The following NMRK1 variants were observed in gnomAD, a reference collection of about 807,000 sequenced individuals.
NMRK1 encodes the protein NRK 1.
NMRK1 carries 28 observed loss-of-function variants against 29.9 expected under a neutral mutation model. That is an observed-to-expected ratio of 0.94 (90% CI 0.69 to 1.28). The LOEUF is 1.28. NMRK1 is among the 50% of genes most tolerant of loss of function. The probability of loss-of-function intolerance (pLI) is 0.00; values close to 1 mark genes in which losing one functional copy is unlikely to be tolerated. For synonymous variants in NMRK1, 58 were observed against 73.0 expected, an observed-to-expected ratio of 0.79 and a Z score of 1.05; for missense variants, 218 against 233.1, an observed-to-expected ratio of 0.94 and a Z score of 0.42.
intron 8 of NMRK1, among the ~76,000 whole-genome samples, chr9:75,062,828 T>C (rs1423307798): frequency 1.3e-5 from 2 of 152,146 alleles, no homozygotes; most frequent in Non-Finnish European, 2.9e-5. Flanking sequence ...GGTCAGGAGT[T>C]TGAGACCAGC....
At position 75,080,532 on chromosome 9, in the gene NMRK1, G is replaced by A. The variant is rs535072188; in HGVS notation, c.29+2555C>T. Among the ~76,000 whole-genome samples, 5 of 152,274 alleles carry A rather than the reference G, an allele frequency of 3.3e-5. No homozygotes were observed. The South Asian group carries it at 1.0e-3, about 32-fold the overall frequency. On this transcript the variant is annotated intron_variant, in intron 2 of 8. Transcript: ENST00000361092. ...CTGGGCGTGGTGGTGCATGCCTGTA[G>A]TCCCAGCAACTTGGGAGGCTGAGGC...
intron 4 of NMRK1, among the ~76,000 whole-genome samples, chr9:75,074,714 G>T (rs1823894715): frequency 6.6e-6 from 1 of 152,026 alleles, no homozygotes; most frequent in African/African-American, 2.4e-5. Context: ...TTTTTGTTTT[G>T]ACTTCTTTCA....
In NMRK1 at chr9:75,069,715, A is replaced by G. The variant is rs1423063716; in HGVS notation, c.389+27T>C. 5 of 1,583,144 alleles carry G rather than the reference A, an allele frequency of 3.2e-6. No individual in the cohort carries two copies. The East Asian group carries it at 1.1e-4, about 35-fold the overall frequency. On this transcript the variant is annotated intron_variant, in intron 6 of 8. Transcript: ENST00000361092. ...TCTACATTTTTTGTTTTGAATTACA[A>G]CTCACAAAGATGGCTTCAAAACTTA...
At chr9:75,085,540 G>A (rs970523081) in intron 1 of NMRK1, among the ~76,000 whole-genome samples, 12 of 120,180 alleles carry the variant, frequency 1.0e-4, no homozygotes, top group Non-Finnish European at 2.4e-4. Context: ...ACTGGTCCCC[G>A]TCCTAAACTG....
intron 1 of NMRK1, among the ~76,000 whole-genome samples, chr9:75,086,732 A>G (rs1414209654): frequency 6.6e-6 from 1 of 152,198 alleles, no homozygotes. Context: ...TGTGCTCTTC[A>G]AATGTATCTA....
chr9:75,062,783 G>C (rs1823098327), intron 8 of NMRK1, among the ~76,000 whole-genome samples: 2 of 152,226 alleles, frequency 1.3e-5, no homozygotes. Flanking sequence ...TGTAATCCCA[G>C]CACTATGGGA....
chr9:75,084,820 C>T (rs1587411278), intron 1 of NMRK1, among the ~76,000 whole-genome samples: 1 of 152,104 alleles, frequency 6.6e-6, no homozygotes, highest in Admixed American at 6.5e-5. Context: ...AGACAAGTTG[C>T]ATATTTAAGT....
intron 8 of NMRK1, among the ~76,000 whole-genome samples, chr9:75,065,280 C>T (rs1823272276): frequency 1.3e-5 from 2 of 152,132 alleles, no homozygotes; most frequent in South Asian, 4.2e-4. Context: ...AGAGATTCCC[C>T]TGCCTCAGCC....
At chr9:75,082,695 C>G (rs1293781971) in intron 2 of NMRK1, 3 of 197,198 alleles carry the variant, frequency 1.5e-5, no homozygotes, top group African/African-American at 7.0e-5. Flanking sequence ...TGAAGGTGTT[C>G]TGTATACCAA....
intron 2 of NMRK1, among the ~76,000 whole-genome samples, chr9:75,079,671 A>C (rs769444245): frequency 8.5e-5 from 13 of 152,212 alleles, no homozygotes; most frequent in African/African-American, 1.4e-4. Flanking sequence ...GACTGCAGAC[A>C]TCCTGGTCAG....
intron 7 of NMRK1, among the ~76,000 whole-genome samples, chr9:75,068,096 T>C (rs1239158357): frequency 9.9e-5 from 15 of 152,128 alleles, no homozygotes; most frequent in Admixed American, 9.8e-4. Flanking sequence ...ATGCCTTCAC[T>C]TTTTTCTAAC....
rs1273525332 is a variant in NMRK1, at chr9:75,069,765, A to G, written c.366T>C (p.Tyr122=). 1 of 1,612,230 alleles carries G rather than the reference A, an allele frequency of 6.2e-7. No homozygotes were observed. Among genetic ancestry groups the G allele is most frequent in the South Asian group, 1.1e-5 (1 of 90,642 alleles). Residue 122 remains tyrosine, a synonymous_variant, in exon 6 of 9, where the codon TAT becomes TAC. Transcript: ENST00000361092. Reference sequence around the variant, plus strand: ...ACCTCCTCCTCCTTTTACATTCTTCATATGGAATAGTCAGGAAATAGCTTC... The same window carrying G: ...ACCTCCTCCTCCTTTTACATTCTTCGTATGGAATAGTCAGGAAATAGCTTC... ...WNRSYFLTIP[Y]EECKRRRSTR... is the part of the protein sequence containing the mutation.
At position 75,077,321 on chromosome 9, in the gene NMRK1, C is replaced by T. The variant is rs1331317468; in HGVS notation, c.121-114G>A. ...ATGCTTTGGATGATCAAAGAAAGAT[C>T]AGCACTGATAGACAGTGCCATCTAG... On this transcript the variant is annotated intron_variant, in intron 3 of 8. Transcript: ENST00000361092. The T allele has an allele frequency of 3.4e-6, 3 of 883,012 alleles. No homozygotes were observed. In the African/African-American group the frequency reaches 5.0e-5, roughly 15 times the overall value. The allele number at this position is 883,012 out of a possible 1,614,324, so 54.7% of individuals were successfully genotyped here.
chr9:75,061,366 C>G lies in NMRK1; in HGVS notation c.*182G>C, dbSNP rs1003659941. ...GGGAGCAACTTGCTAAGGTACAGTC[C>G]TGTCCATTGGCATGGATATTTATTG... On this transcript the variant is annotated 3_prime_UTR_variant, in exon 9 of 9. Transcript: ENST00000361092. The G allele has an allele frequency of 2.6e-5, 16 of 605,638 alleles. No homozygotes were observed. The African/African-American group carries it at 3.0e-4, about 11-fold the overall frequency. 37.5% of individuals were successfully genotyped at this position (605,638 alleles called of 1,614,324 possible). A position where few individuals can be genotyped will look rare whatever the true frequency, so the allele number is the denominator to read the frequency against.
chr9:75,085,714 A>T (rs1824577389), intron 1 of NMRK1, among the ~76,000 whole-genome samples: 2 of 147,028 alleles, frequency 1.4e-5, no homozygotes, highest in Non-Finnish European at 3.0e-5. Flanking sequence ...TCTCAGATAC[A>T]GTCAAATGTA....
intron 2 of NMRK1, 141 bp downstream of exon 2, chr9:75,082,946 C>T (rs1183236610): frequency 2.4e-5 from 16 of 670,416 alleles, no homozygotes; most frequent in Non-Finnish European, 3.3e-5. Flanking sequence ...AGCCAGTGCT[C>T]CACTGATATT....
At chr9:75,066,215 C>G (rs756615623) in intron 8 of NMRK1, 6 of 510,326 alleles carry the variant, frequency 1.2e-5, no homozygotes, top group Middle Eastern at 3.2e-4. Flanking sequence ...CCTGAAGCCA[C>G]CATTACCCCT....
intron 4 of NMRK1, among the ~76,000 whole-genome samples, chr9:75,075,488 A>C (rs1051516895): frequency 5.3e-5 from 8 of 152,214 alleles, no homozygotes; most frequent in Non-Finnish European, 8.8e-5. Flanking sequence ...ATCAGTTAAA[A>C]ATAGAGAACA....
At chr9:75,070,287 G>A (rs554732391) in intron 4 of NMRK1, among the ~76,000 whole-genome samples, 7 of 152,180 alleles carry the variant, frequency 4.6e-5, no homozygotes, top group South Asian at 2.1e-4. Flanking sequence ...GAACTCCTAG[G>A]TCCCTATTAC....
Sources: allele counts gnomAD v4.1 joint callset (sites outside exome capture counted in the v4.1 genomes callset), GRCh38; gene constraint gnomAD v4.1.1; transcripts MANE v1.5; gene names NCBI Gene and HGNC (gene_info 2026-07-23, HGNC 2026-07-21).